The following IQSEC1 variants were observed in gnomAD, a reference collection of about 807,000 sequenced individuals.
The protein encoded by IQSEC1 is IQ motif and SEC7 domain-containing protein 1.
IQSEC1 carries 31 observed loss-of-function variants against 91.0 expected under a neutral mutation model. The ratio of observed to expected loss-of-function variants is 0.34; its 90% CI spans 0.26 to 0.46. The LOEUF is 0.46. IQSEC1 is among the 20% of genes least tolerant of loss of function. IQSEC1 has a pLI of 1.00. For missense variants in IQSEC1, 1,388 were observed against 1,575.6 expected, an observed-to-expected ratio of 0.88 and a Z score of 2.02; for synonymous variants, 699 against 662.6, an observed-to-expected ratio of 1.05 and a Z score of -0.84.
intron 1 of IQSEC1, among the ~76,000 whole-genome samples, chr3:13,065,596 G>T (rs78280314): frequency 1.3e-5 from 2 of 152,228 alleles, no homozygotes; most frequent in Non-Finnish European, 2.9e-5. Flanking sequence ...GAGTGATGGC[G>T]AAGATGTGGA....
At chr3:13,047,312 T>C (rs916195066) in intron 1 of IQSEC1, among the ~76,000 whole-genome samples, 7 of 152,182 alleles carry the variant, frequency 4.6e-5, no homozygotes, top group African/African-American at 1.7e-4. Context: ...GTAGAAGCTC[T>C]CAGGGGACAT....
intron 1 of IQSEC1, among the ~76,000 whole-genome samples, chr3:13,053,938 G>A (rs1704786238): frequency 6.6e-6 from 1 of 152,232 alleles, no homozygotes; most frequent in African/African-American, 2.4e-5. Flanking sequence ...TATTTGAGGA[G>A]ACTTTCTGGC....
Position 12,913,537 on chromosome 3 carries a change from T to G in IQSEC1, c.2207A>C (p.His736Pro). 1 of 1,604,800 alleles carries G rather than the reference T, an allele frequency of 6.2e-7. No individual in the cohort carries two copies. The highest frequency in any genetic ancestry group is 1.1e-5 in the South Asian group (1 of 90,824). ...CCGGCAGTAGCAGACCAACCGACGGTGGGGCAGAGAGAGCACCTGTGTGGG... is the reference window on the plus strand; with the variant it reads ...CCGGCAGTAGCAGACCAACCGACGGGGGGGCAGAGAGAGCACCTGTGTGGG... ...PGLGCVLSLP[H>P]RRLVCYCRLF... The change falls in exon 9 of 14, where the codon CAC (histidine) becomes CCC (proline). Residue 736 changes from histidine (H) to proline (P), a missense_variant. This residue lies in a region of IQSEC1 where 1,059 missense variants were observed against 1,317.8 expected (regional missense o/e 0.80). Transcript: ENST00000613206.
At chr3:13,178,646 T>A (rs77702771) in intron 1 of IQSEC1, among the ~76,000 whole-genome samples, 5,000 of 152,276 alleles carry the variant, frequency 0.033, 265 homozygotes, top group African/African-American at 0.11. Context: ...AGGCAACCTA[T>A]GCACTCAAAA....
intron 1 of IQSEC1, among the ~76,000 whole-genome samples, chr3:13,017,207 C>T (rs1185285554): frequency 6.8e-6 from 1 of 146,544 alleles, no homozygotes; most frequent in African/African-American, 2.4e-5. Flanking sequence ...TCATCCCTCC[C>T]TGTTTTATTT....
chr3:13,185,285 G>T (rs765798277), intron 1 of IQSEC1, among the ~76,000 whole-genome samples: 1 of 152,146 alleles, frequency 6.6e-6, no homozygotes, highest in Non-Finnish European at 1.5e-5. Flanking sequence ...CCACTATTCC[G>T]TCAGGTCTCC....
chr3:13,225,562 A>G (rs2125081151), intron 1 of IQSEC1, among the ~76,000 whole-genome samples: 1 of 152,234 alleles, frequency 6.6e-6, no homozygotes, highest in East Asian at 1.9e-4. Context: ...CTAGTCACCC[A>G]TTCAACAAAT....
chr3:12,999,277 G>C (rs1280864399), intron 1 of IQSEC1, among the ~76,000 whole-genome samples: 1 of 152,112 alleles, frequency 6.6e-6, no homozygotes, highest in African/African-American at 2.4e-5. Flanking sequence ...CCCTGGAAGA[G>C]CCACTTAGAT....
At chr3:13,047,465 G>A (rs1023014867) in intron 1 of IQSEC1, 30 of 985,020 alleles carry the variant, frequency 3.0e-5, no homozygotes, top group African/African-American at 5.2e-5. Flanking sequence ...TGGGGTGGAC[G>A]GCAAGACAGT....
chr3:12,950,400 G>C (rs1362863061), intron 1 of IQSEC1, among the ~76,000 whole-genome samples: 4 of 152,190 alleles, frequency 2.6e-5, no homozygotes, highest in Non-Finnish European at 4.4e-5. Flanking sequence ...AGCTGTGGTG[G>C]CTCACGCCTG....
At chr3:13,221,062 G>A (rs960449976) in intron 1 of IQSEC1, among the ~76,000 whole-genome samples, 3 of 152,252 alleles carry the variant, frequency 2.0e-5, no homozygotes, top group African/African-American at 7.2e-5. Flanking sequence ...CCAGTGAGCA[G>A]GGGAGGCCAG....
chr3:13,015,462 C>G (rs1703079635), intron 1 of IQSEC1: 1 of 622,978 alleles, frequency 1.6e-6, no homozygotes, highest in South Asian at 7.0e-5. Flanking sequence ...AGTGAAAACT[C>G]TGACGACAGC....
chr3:13,219,752 C>A (rs1276620364), intron 1 of IQSEC1, among the ~76,000 whole-genome samples: 2 of 152,244 alleles, frequency 1.3e-5, no homozygotes, highest in Non-Finnish European at 2.9e-5. Context: ...TCCGGGCCTG[C>A]CACGTGGCCA....
Position 12,935,619 on chromosome 3 carries a change from T to C in IQSEC1, c.1397A>G (p.Asn466Ser). 1 of 1,614,106 alleles carries C rather than the reference T, an allele frequency of 6.2e-7. No homozygotes were observed. The highest frequency in any genetic ancestry group is 1.1e-5 in the South Asian group (1 of 91,086). Reference protein sequence around the residue: ...NDSINSTSNSNDTINCSSESS... With the variant: ...NDSINSTSNSSDTINCSSESS... ...CTCGGAGCTGCAGTTGATGGTATCGTTGGAGTTGGACGTGCTGTTGATGCT... is the reference window on the plus strand; with the variant it reads ...CTCGGAGCTGCAGTTGATGGTATCGCTGGAGTTGGACGTGCTGTTGATGCT... Residue 466 changes from asparagine to serine, a missense_variant, in exon 3 of 14, where the codon AAC (asparagine) becomes AGC (serine). Physicochemically the swap from Asn to Ser is conservative, Grantham distance 46. Coordinates refer to ENST00000613206, the MANE Select transcript of IQSEC1 (RefSeq NM_001134382.3). The surrounding 1 kb of genome is among the most constrained non-coding windows in gnomAD (Gnocchi z 8.0).
chr3:13,263,503 C>T (rs1056723374), intron 1 of IQSEC1, among the ~76,000 whole-genome samples: 5 of 147,556 alleles, frequency 3.4e-5, no homozygotes, highest in South Asian at 2.1e-4. Context: ...AGTGCAATGG[C>T]GTGATCTCCA....
At chr3:13,131,018 G>A (rs988770668) in intron 2 of IQSEC1, among the ~76,000 whole-genome samples, 7 of 115,356 alleles carry the variant, frequency 6.1e-5, no homozygotes, top group African/African-American at 1.2e-4. Flanking sequence ...AGGAAGGAAC[G>A]GAAGGGAAGG....
chr3:13,184,397 A>C (rs1264971045), intron 1 of IQSEC1, among the ~76,000 whole-genome samples: 1 of 152,270 alleles, frequency 6.6e-6, no homozygotes, highest in African/African-American at 2.4e-5. Flanking sequence ...AAGCCTTGAC[A>C]GTATTCAACA....
chr3:13,134,323 T>C (rs528573059), intron 2 of IQSEC1, among the ~76,000 whole-genome samples: 4 of 152,230 alleles, frequency 2.6e-5, no homozygotes, highest in African/African-American at 7.2e-5. Context: ...CTACCCTGAG[T>C]CTCCGCTCAC....
rs570827050 is a variant in IQSEC1, at chr3:12,899,631, C to T, written c.*1352G>A. The T allele has an allele frequency of 2.0e-6, 2 of 985,424 alleles. No individual in the cohort carries two copies. Among genetic ancestry groups the T allele is most frequent in the Admixed American group, 1.2e-4 (2 of 16,282 alleles). 61.0% of individuals were successfully genotyped at this position (985,424 alleles called of 1,614,324 possible). The stretch of plus-strand genomic sequence containing the variant: ...CACTCGTCGGCTGGGGTCACACGGG[C>T]CACGGTGAGGACACAGGGGTTCTGC... On this transcript the variant is annotated 3_prime_UTR_variant, in exon 14 of 14. Coordinates refer to ENST00000613206, the MANE Select transcript of IQSEC1 (RefSeq NM_001134382.3).
Sources: allele counts gnomAD v4.1 joint callset (sites outside exome capture counted in the v4.1 genomes callset), GRCh38; gene constraint gnomAD v4.1.1; regional missense constraint gnomAD v4.1.1; non-coding constraint Gnocchi (gnomAD v3.1); transcripts MANE v1.5; gene names NCBI Gene and HGNC (gene_info 2026-07-23, HGNC 2026-07-21).